Variants in WASHC5 observed in about 807,000 individuals in gnomAD.
WASHC5 encodes the protein WASH complex subunit 5.
In WASHC5, 101 loss-of-function variants were observed where a neutral mutation model predicts 150.4. The ratio of observed to expected loss-of-function variants is 0.67; its 90% CI spans 0.57 to 0.79. WASHC5 has a LOEUF of 0.79. Among genes scored for constraint, WASHC5 ranks in the 30% least tolerant of loss-of-function variants. The pLI, the probability that WASHC5 is intolerant of heterozygous loss-of-function variation, is 0.00. For missense variants in WASHC5, 1,195 were observed against 1,396.3 expected, an observed-to-expected ratio of 0.86 and a Z score of 2.30; for synonymous variants, 467 against 491.2, an observed-to-expected ratio of 0.95 and a Z score of 0.65.
intron 26 of WASHC5, chr8:125,032,747 T>A: frequency 6.3e-6 from 2 of 319,082 alleles, no homozygotes; most frequent in Non-Finnish European, 1.2e-5. Flanking sequence ...AACGGCAGCA[T>A]GACATACTAG....
intron 5 of WASHC5, among the ~76,000 whole-genome samples, chr8:125,081,357 C>T (rs1817255243): frequency 6.6e-6 from 1 of 151,652 alleles, no homozygotes; most frequent in Admixed American, 6.6e-5. Flanking sequence ...CCTGCCTCAG[C>T]CTCCTGAGTA....
In WASHC5 at chr8:125,050,859, A is replaced by T. The variant is rs563606058; in HGVS notation, c.2098-194T>A. 7.9e-5 allele frequency among the ~76,000 whole-genome samples: 12 copies of T among 152,322 alleles called. No individual in the cohort carries two copies. In the East Asian group the frequency reaches 2.3e-3, roughly 29 times the overall value. On this transcript the variant is annotated intron_variant, in intron 17 of 28. Coordinates refer to ENST00000318410, the MANE Select transcript of WASHC5 (RefSeq NM_014846.4). ...GAATTATTAAACCTGTCACCTTTTT[A>T]GGACTCTGTTTATTTCAGCAAAGTT...
intron 6 of WASHC5, among the ~76,000 whole-genome samples, chr8:125,076,814 G>A (rs768063741): frequency 1.4e-5 from 2 of 147,750 alleles, no homozygotes; most frequent in Non-Finnish European, 3.0e-5. Context: ...TTTCCTGTTG[G>A]AGACAACCCT....
At chr8:125,051,590 G>C (rs1816239126) in intron 17 of WASHC5, among the ~76,000 whole-genome samples, 1 of 152,196 alleles carries the variant, frequency 6.6e-6, no homozygotes, top group Non-Finnish European at 1.5e-5. Flanking sequence ...GAATTAAAGG[G>C]AAAGAAAGGA....
rs143654828 is a variant in WASHC5, at chr8:125,059,459, G to C, written c.1605C>G (p.Ile535Met). The C allele has an allele frequency of 2.5e-6, 4 of 1,613,830 alleles. No individual in the cohort carries two copies. Among genetic ancestry groups the C allele is most frequent in the Non-Finnish European group, 3.4e-6 (4 of 1,179,864 alleles). Residue 535 changes from isoleucine (I) to methionine (M), a missense_variant, in exon 13 of 29, where the codon ATC becomes ATG. Physicochemically the swap from Ile to Met is conservative, Grantham distance 10 (BLOSUM62 1). Transcript: ENST00000318410. The stretch of plus-strand genomic sequence containing the variant: ...CCTCCTCTTTAATGTTAATGGTTCT[G>C]ATCATTTGATGAAGAAACTTTCGAG... ...ADTRKFLHQM[I>M]RTINIKEEVL... is the part of the protein sequence containing the mutation.
intron 23 of WASHC5, among the ~76,000 whole-genome samples, chr8:125,042,665 T>C (rs188585407): frequency 1.3e-3 from 201 of 152,222 alleles, no homozygotes; most frequent in African/African-American, 4.1e-3. Flanking sequence ...TCCTACAGAG[T>C]TGGGACTCAC....
Position 125,024,639 on chromosome 8 carries a change from T to C in WASHC5, c.3458A>G (p.Asp1153Gly), listed in dbSNP as rs1815321490. ...CAGTTACAGCACTGTTCTGAACTCA[T>C]CAAAAATGAAATTAGGCACATGTGC... ...AEAHVPNFIF[D>G]EFRTVL The change falls in exon 29 of 29, where the codon GAT (aspartate) becomes GGT (glycine). Residue 1153 changes from aspartate to glycine, a missense_variant. Physicochemically the swap from Asp to Gly is moderately conservative, Grantham distance 94. Around this residue, in one of 3 missense-constraint regions of WASHC5, gnomAD observed 997 missense variants for 1,168.1 expected, o/e 0.85. Coordinates refer to ENST00000318410, the MANE Select transcript of WASHC5 (RefSeq NM_014846.4). 4 of 1,611,302 alleles carry C rather than the reference T, an allele frequency of 2.5e-6. No homozygotes were observed. The highest frequency in any genetic ancestry group is 1.1e-5 in the South Asian group (1 of 91,030).
rs1172759357 is a variant in WASHC5 at position 125,049,143 on chromosome 8, T to C, written c.2242A>G (p.Met748Val). ...MPKLKELGATMDGFHRSFEYI... is the reference protein window; with the variant it reads ...MPKLKELGATVDGFHRSFEYI... ...TCAAAAGAACGATGGAATCCATCCA[T>C]GGTCGCTCCCAACTCTTTCAGCTTG... Residue 748 changes from methionine (M) to valine (V), a missense_variant, in exon 19 of 29, where the codon ATG becomes GTG. Around this residue, in one of 3 missense-constraint regions of WASHC5, gnomAD observed 997 missense variants for 1,168.1 expected, o/e 0.85. Transcript: ENST00000318410. The C allele has an allele frequency of 6.2e-7, 1 of 1,613,980 alleles. No individual in the cohort carries two copies. Among genetic ancestry groups the C allele is most frequent in the Non-Finnish European group, 8.5e-7 (1 of 1,180,008 alleles).
chr8:125,055,594 G>T lies in WASHC5; in HGVS notation c.2094C>A (p.Ile698=). 2 of 1,603,502 alleles carry T rather than the reference G, an allele frequency of 1.2e-6. No homozygotes were observed. The highest frequency in any genetic ancestry group is 1.1e-5 in the South Asian group (1 of 90,864). The part of the protein sequence containing the change: ...LMMKTTLVGI[I]KVDPKQLLED... The stretch of plus-strand genomic sequence containing the variant: ...CGCAGACTAACAAAACTGTTACCTT[G>T]ATGATGCCAACCAAAGTCGTTTTCA... The change falls in exon 17 of 29, where the codon ATC becomes ATA. Residue 698 remains isoleucine, a synonymous_variant. Transcript: ENST00000318410.
rs1817010794 is a variant in WASHC5 at position 125,075,012 on chromosome 8, T to G, written c.964A>C (p.Asn322His). ...TALNNTLDLS[N>H]VREQASRYAT... ...TTAGAACCTACCTGTTCTCTGACAT[T>G]TGAAAGGTCCAGGGTATTATTTAAA... is the stretch of plus-strand genomic sequence containing the variant. Residue 322 changes from asparagine to histidine, a missense_variant, in exon 8 of 29, where the codon AAT becomes CAT. By Grantham distance (68) the Asn-to-His change is moderately conservative. Coordinates refer to ENST00000318410, the MANE Select transcript of WASHC5 (RefSeq NM_014846.4). 1 of 1,607,426 alleles carries G rather than the reference T, an allele frequency of 6.2e-7. No individual in the cohort carries two copies. Among genetic ancestry groups the G allele is most frequent in the Non-Finnish European group, 8.5e-7 (1 of 1,174,116 alleles).
chr8:125,090,525 T>A (rs1400362553), intron 1 of WASHC5, among the ~76,000 whole-genome samples: 1 of 152,208 alleles, frequency 6.6e-6, no homozygotes, highest in East Asian at 1.9e-4. Flanking sequence ...AATCCAGAGA[T>A]CCCACTATAT....
intron 10 of WASHC5, among the ~76,000 whole-genome samples, 179 bp from the exon 11 acceptor site, chr8:125,063,830 G>A (rs370471626): frequency 7.9e-5 from 12 of 152,118 alleles, no homozygotes; most frequent in African/African-American, 2.9e-4. Flanking sequence ...CAGGGACAAA[G>A]CCAGACCACC....
chr8:125,074,917 T>C (rs1181280265), intron 8 of WASHC5, 81 bp downstream of exon 8: 3 of 856,688 alleles, frequency 3.5e-6, no homozygotes, highest in African/African-American at 3.3e-5. Flanking sequence ...TCCAAATTCC[T>C]TGGGAAATCT....
chr8:125,064,611 T>G (rs1816695723), intron 10 of WASHC5, among the ~76,000 whole-genome samples: 2 of 152,014 alleles, frequency 1.3e-5, no homozygotes. Context: ...GGGTTGGGTT[T>G]TTTTTTTTTC....
rs1211681552 is a variant in WASHC5 at position 125,083,044 on chromosome 8, G to A, written c.332+69C>T. 6.5e-5 allele frequency: 66 copies of A among 1,012,724 alleles called. 2 individuals are homozygous for A. The South Asian group carries it at 7.1e-4, about 11-fold the overall frequency. 62.7% of individuals were successfully genotyped at this position (1,012,724 alleles called of 1,614,324 possible). ...TGTAGTAACTCAGAGAGATTTACAC[G>A]TTGCTATGTGTCCTTTTCCCTCTCC... is the stretch of plus-strand genomic sequence containing the variant. On this transcript the variant is annotated intron_variant, in intron 3 of 28. Coordinates refer to ENST00000318410, the MANE Select transcript of WASHC5 (RefSeq NM_014846.4).
intron 17 of WASHC5, 71 bp from the exon 18 acceptor site, chr8:125,050,736 T>TA: frequency 8.2e-7 from 1 of 1,215,510 alleles, no homozygotes; most frequent in Non-Finnish European, 1.2e-6. Context: ...AGAGGAAAGA[T>TA]GGCTTTCAGA....
intron 20 of WASHC5, among the ~76,000 whole-genome samples, chr8:125,046,820 G>A (rs991000762): frequency 4.6e-5 from 7 of 152,078 alleles, no homozygotes; most frequent in African/African-American, 7.2e-5. Context: ...TCTAAGGAGC[G>A]CACAACCTAG....
chr8:125,047,318 T>C lies in WASHC5; in HGVS notation c.2393A>G (p.Gln798Arg). ...AATATGAGTGGACTGGTACATGCTT[T>C]GCCAATCTTGAATCTAGAAAACAAA... The part of the protein sequence containing the change: ...NFLRTKIQDW[Q>R]SMYQSTHIPI... Residue 798 changes from glutamine to arginine, a missense_variant, in exon 20 of 29, where the codon CAA becomes CGA. Physicochemically the swap from Gln to Arg is conservative, Grantham distance 43 (BLOSUM62 1). Coordinates refer to ENST00000318410, the MANE Select transcript of WASHC5 (RefSeq NM_014846.4). 1 of 1,613,920 alleles carries C rather than the reference T, an allele frequency of 6.2e-7. No homozygotes were observed. The highest frequency in any genetic ancestry group is 1.1e-5 in the South Asian group (1 of 91,080).
At position 125,047,323 on chromosome 8, in the gene WASHC5, A is replaced by G. The variant is rs770497593; in HGVS notation, c.2388T>C (p.Asp796=). The part of the protein sequence containing the change: ...CNNFLRTKIQ[D]WQSMYQSTHI... ...GAGTGGACTGGTACATGCTTTGCCA[A>G]TCTTGAATCTAGAAAACAAAACCAT... The change falls in exon 20 of 29, where the codon GAT becomes GAC. Residue 796 remains aspartate (D), a synonymous_variant. Transcript: ENST00000318410. 6 of 1,613,764 alleles carry G rather than the reference A, an allele frequency of 3.7e-6. No homozygotes were observed. The South Asian group carries it at 4.4e-5, about 12-fold the overall frequency.
Sources: allele counts gnomAD v4.1 joint callset (sites outside exome capture counted in the v4.1 genomes callset), GRCh38; gene constraint gnomAD v4.1.1; regional missense constraint gnomAD v4.1.1; transcripts MANE v1.5; gene names NCBI Gene and HGNC (gene_info 2026-07-23, HGNC 2026-07-21).